The following RASAL3 variants were observed in gnomAD, a reference collection of about 807,000 sequenced individuals.
RASAL3 encodes the protein RAS protein activator like 3.
RASAL3 carries 74 observed loss-of-function variants against 105.5 expected under a neutral mutation model. The observed-to-expected ratio is 0.70, with a 90% confidence interval of 0.58 to 0.85. The LOEUF (loss-of-function observed/expected upper bound fraction) is 0.85, where lower values mean the gene tolerates loss of function less well. Among genes scored for constraint, RASAL3 ranks in the 40% least tolerant of loss-of-function variants. The pLI is 0.00. For missense variants in RASAL3, 1,352 were observed against 1,392.0 expected (o/e 0.97, Z 0.46); for synonymous variants, 579 against 591.6 (o/e 0.98, Z 0.31).
At position 15,452,068 on chromosome 19, in the gene RASAL3, C is replaced by T. The variant is rs1970168068; in HGVS notation, c.2869G>A (p.Glu957Lys). 2 of 1,613,932 alleles carry T rather than the reference C, an allele frequency of 1.2e-6. No homozygotes were observed. Among genetic ancestry groups the T allele is most frequent in the Non-Finnish European group, 1.7e-6 (2 of 1,179,854 alleles). ...ACCAGGTTTTTCAGACTGTGCCCTT[C>T]ATTGCTTGTTAGGTTGTGCTCTGAA... ...FDSEHNLTSN[E>K]GHSLKNLEHR... is the part of the protein sequence containing the mutation. The change falls in exon 17 of 18, where the codon GAA (glutamate) becomes AAA (lysine). Residue 957 changes from glutamate to lysine, a missense_variant. By Grantham distance (56) the Glu-to-Lys change is moderately conservative. This residue lies in a region of RASAL3 where 920 missense variants were observed against 919.6 expected (regional missense o/e 1.00). Transcript: ENST00000343625.
At position 15,456,986 on chromosome 19, in the gene RASAL3, G is replaced by A; in HGVS notation, c.1431+306C>T. ...CCCTCACAGCTGAAGCTCAGGCCCA[G>A]TCCTTCAAGGTGCCCCGCCCCTTAC... On this transcript the variant is annotated intron_variant, in intron 9 of 17. Coordinates refer to ENST00000343625, the MANE Select transcript of RASAL3 (RefSeq NM_022904.3). This position sits in a 1 kb window ranked among gnomAD's most constrained non-coding sequence, Gnocchi z 4.4. 4.4e-6 allele frequency: 2 copies of A among 454,190 alleles called. No homozygotes were observed. The highest frequency in any genetic ancestry group is 7.9e-6 in the Non-Finnish European group (2 of 252,086). The allele number at this position is 454,190 out of a possible 1,614,324, so 28.1% of individuals were successfully genotyped here.
chr19:15,461,355 CA>C, intron 3 of RASAL3, 59 bp from the exon 4 acceptor site: 1 of 1,565,090 alleles, frequency 6.4e-7, no homozygotes, highest in East Asian at 2.3e-5. Flanking sequence ...GGCAGGCAGG[CA>C]GACCGAGGGA....
chr19:15,453,405 A>C lies in RASAL3; in HGVS notation c.2372T>G (p.Val791Gly). ...CCGGGCCCAACTCTCTGAGCGGCGA[A>C]CGCTGCGCAGAGACTGGCTCTTGGA... The part of the protein sequence containing the change: ...LISKSQSLRS[V>G]RRSESWARPR... The change falls in exon 15 of 18, where the codon GTT becomes GGT. Residue 791 changes from valine to glycine, a missense_variant. Val to Gly is a moderately radical substitution (Grantham distance 109). Around this residue, in one of 3 missense-constraint regions of RASAL3, gnomAD observed 920 missense variants for 919.6 expected, o/e 1.00. Transcript: ENST00000343625. This position sits in a 1 kb window ranked among gnomAD's most constrained non-coding sequence, Gnocchi z 4.2. 6.6e-7 allele frequency: 1 copy of C among 1,503,988 alleles called. No homozygotes were observed. The highest frequency in any genetic ancestry group is 8.8e-7 in the Non-Finnish European group (1 of 1,137,034). 93.2% of individuals were successfully genotyped at this position (1,503,988 alleles called of 1,614,324 possible). A position where few individuals can be genotyped will look rare whatever the true frequency, so the allele number is the denominator to read the frequency against.
rs891645372 is a variant in RASAL3, at chr19:15,453,377, T to C, written c.2400A>G (p.Pro800=). ...SVRRSESWAR[P]RPDEERPLRR... ...GCAGGGGCCGCTCTTCGTCCGGCCG[T>C]GGCCGGGCCCAACTCTCTGAGCGGC... The change falls in exon 15 of 18, where the codon CCA becomes CCG. Residue 800 remains proline (P), a synonymous_variant. Transcript: ENST00000343625. The surrounding 1 kb of genome is among the most constrained non-coding windows in gnomAD (Gnocchi z 4.2). 5.5e-6 allele frequency: 8 copies of C among 1,460,800 alleles called. No individual in the cohort carries two copies. The highest frequency in any genetic ancestry group is 4.4e-4 in the Middle Eastern group (2 of 4,520). 90.5% of individuals were successfully genotyped at this position (1,460,800 alleles called of 1,614,324 possible). A position where few individuals can be genotyped will look rare whatever the true frequency, so the allele number is the denominator to read the frequency against.
chr19:15,461,398 A>G (rs945811833), intron 3 of RASAL3, 73 bp downstream of exon 3: 12 of 1,525,580 alleles, frequency 7.9e-6, no homozygotes, highest in Non-Finnish European at 1.1e-5. Flanking sequence ...TCCTCCCTCC[A>G]GCCCCTGCCT....
intron 14 of RASAL3, 105 bp downstream of exon 14, chr19:15,454,044 G>A: frequency 1.2e-6 from 1 of 803,980 alleles, no homozygotes; most frequent in Non-Finnish European, 2.0e-6. Context: ...TCTGACCCTG[G>A]GCTTGACCTC....
At position 15,453,087 on chromosome 19, in the gene RASAL3, G is replaced by T; in HGVS notation, c.2670+20C>A. On this transcript the variant is annotated intron_variant, in intron 15 of 17. Coordinates refer to ENST00000343625, the MANE Select transcript of RASAL3 (RefSeq NM_022904.3). The surrounding 1 kb of genome is among the most constrained non-coding windows in gnomAD (Gnocchi z 4.2). Reference sequence around the variant, plus strand: ...GTCCCTGTTCCCACTCCCCAGGCGCGGACCTGGGCCTGACCTTACCTTGTT... The same window carrying T: ...GTCCCTGTTCCCACTCCCCAGGCGCTGACCTGGGCCTGACCTTACCTTGTT... The T allele has an allele frequency of 6.2e-7, 1 of 1,612,774 alleles. No homozygotes were observed. The highest frequency in any genetic ancestry group is 1.1e-5 in the South Asian group (1 of 90,944).
intron 15 of RASAL3, 136 bp from the exon 16 acceptor site, chr19:15,452,951 G>T: frequency 6.8e-7 from 1 of 1,464,608 alleles, no homozygotes; most frequent in Non-Finnish European, 9.2e-7. Context: ...CTGCGGTACA[G>T]CTGGGGAGAC....
rs1387810096 is a variant in RASAL3, at chr19:15,453,206, G to A, written c.2571C>T (p.Ser857=). The change falls in exon 15 of 18, where the codon TCC becomes TCT. Residue 857 remains serine (S), a synonymous_variant. Transcript: ENST00000343625. The surrounding 1 kb of genome is among the most constrained non-coding windows in gnomAD (Gnocchi z 4.2). ...APRARPWTRD[S]ASLPRKPSVP... is the part of the protein sequence containing the mutation. Reference sequence around the variant, plus strand: ...CCGACGGCTTCCGAGGCAGCGAGGCGGAGTCCCGGGTCCAAGGCCGGGCGC... The same window carrying A: ...CCGACGGCTTCCGAGGCAGCGAGGCAGAGTCCCGGGTCCAAGGCCGGGCGC... 6.2e-7 allele frequency: 1 copy of A among 1,609,934 alleles called. No homozygotes were observed. Among genetic ancestry groups the A allele is most frequent in the Non-Finnish European group, 8.5e-7 (1 of 1,178,502 alleles).
At position 15,454,816 on chromosome 19, in the gene RASAL3, C is replaced by A; in HGVS notation, c.1799G>T (p.Gly600Val). ...GAGGGAGGCGCACACCAGTCGGGGG[C>A]CCAGCACCTCAGAGCCACGTTCTTT... ...ACKERGSEVLGPRLVCASLFL... is the reference protein window; with the variant it reads ...ACKERGSEVLVPRLVCASLFL... Residue 600 changes from glycine to valine, a missense_variant, in exon 12 of 18, where the codon GGC (glycine) becomes GTC (valine). Around this residue, in one of 3 missense-constraint regions of RASAL3, gnomAD observed 920 missense variants for 919.6 expected, o/e 1.00. Transcript: ENST00000343625. 6.3e-7 allele frequency: 1 copy of A among 1,590,644 alleles called. No individual in the cohort carries two copies. Among genetic ancestry groups the A allele is most frequent in the Admixed American group, 1.8e-5 (1 of 55,850 alleles).
Position 15,454,886 on chromosome 19 carries a change from G to T in RASAL3, c.1729C>A (p.Pro577Thr). The change falls in exon 12 of 18, where the codon CCT (proline) becomes ACT (threonine). Residue 577 changes from proline (P) to threonine (T), a missense_variant. Physicochemically the swap from Pro to Thr is conservative, Grantham distance 38. Coordinates refer to ENST00000343625, the MANE Select transcript of RASAL3 (RefSeq NM_022904.3). ...ETIIHSYDWF[P>T]AELGIVFSSW... ...GAGAACACGATGCCCAGCTCCGCAG[G>T]GAACCAGCTGGTGCAGAAGAGGCAA... The T allele has an allele frequency of 1.3e-6, 2 of 1,553,656 alleles. No individual in the cohort carries two copies. The highest frequency in any genetic ancestry group is 2.4e-5 in the East Asian group (1 of 41,538).
At position 15,451,864 on chromosome 19, in the gene RASAL3, T is replaced by C. The variant is rs1302954775; in HGVS notation, c.2967A>G (p.Pro989=). Residue 989 remains proline, a synonymous_variant, in exon 18 of 18, where the codon CCA becomes CCG. Transcript: ENST00000343625. ...RDAVQSLQLS[P]RTRGSWSQPQ... ...GTTGACTCCAAGACCCCCGCGTCCT[T>C]GGAGAAAGCTGCAGGCTCTGGACAG... 6.2e-7 allele frequency: 1 copy of C among 1,609,014 alleles called. No individual in the cohort carries two copies. Among genetic ancestry groups the C allele is most frequent in the Non-Finnish European group, 8.5e-7 (1 of 1,176,068 alleles).
Position 15,456,548 on chromosome 19 carries a change from A to C in RASAL3, c.1530T>G (p.Asp510Glu), listed in dbSNP as rs767650947. 6.2e-7 allele frequency: 1 copy of C among 1,613,844 alleles called. No individual in the cohort carries two copies. Among genetic ancestry groups the C allele is most frequent in the South Asian group, 1.1e-5 (1 of 91,044 alleles). The change falls in exon 10 of 18, where the codon GAT (aspartate) becomes GAG (glutamate). Residue 510 changes from aspartate (D) to glutamate (E), a missense_variant. Asp to Glu is a conservative substitution (Grantham distance 45). Coordinates refer to ENST00000343625, the MANE Select transcript of RASAL3 (RefSeq NM_022904.3). The surrounding 1 kb of genome is among the most constrained non-coding windows in gnomAD (Gnocchi z 4.4). Reference protein sequence around the residue: ...RENTLATKAIDEYMKLVAQDY... With the variant: ...RENTLATKAIEEYMKLVAQDY... Reference sequence around the variant, plus strand: ...CCTGTGCCACGAGCTTCATGTACTCATCGATAGCCTTGGTGGCCAATGTGT... The same window carrying C: ...CCTGTGCCACGAGCTTCATGTACTCCTCGATAGCCTTGGTGGCCAATGTGT...
At position 15,456,374 on chromosome 19, in the gene RASAL3, C is replaced by T; in HGVS notation, c.1577-126G>A. ...ACATCTTGGGGAGCTCCCAATTGTC[C>T]CCAGGATCCTAGCACCCCCAAAACA... On this transcript the variant is annotated intron_variant, in intron 10 of 17. Transcript: ENST00000343625. The surrounding 1 kb of genome is among the most constrained non-coding windows in gnomAD (Gnocchi z 4.4). 2 of 1,523,366 alleles carry T rather than the reference C, an allele frequency of 1.3e-6. No individual in the cohort carries two copies. The highest frequency in any genetic ancestry group is 1.8e-6 in the Non-Finnish European group (2 of 1,126,916). 94.4% of individuals were successfully genotyped at this position (1,523,366 alleles called of 1,614,324 possible). A position where few individuals can be genotyped will look rare whatever the true frequency, so the allele number is the denominator to read the frequency against.
At position 15,457,494 on chromosome 19, in the gene RASAL3, G is replaced by C. The variant is rs1970362672; in HGVS notation, c.1229C>G (p.Pro410Arg). The change falls in exon 9 of 18, where the codon CCG becomes CGG. Residue 410 changes from proline to arginine, a missense_variant. Pro to Arg is a moderately radical substitution (Grantham distance 103). Transcript: ENST00000343625. The surrounding 1 kb of genome is among the most constrained non-coding windows in gnomAD (Gnocchi z 8.6). ...CCGCGCCCGCAGCGCTGCGCCCGCC[G>C]GCGCCCCGAGCAGCGGGAACCAGCG... ...LERWFPLLGA[P>R]AGAALRARIR... 8.3e-7 allele frequency: 1 copy of C among 1,199,882 alleles called. No homozygotes were observed. The highest frequency in any genetic ancestry group is 1.0e-6 in the Non-Finnish European group (1 of 962,632). The allele number at this position is 1,199,882 out of a possible 1,614,324, so 74.3% of individuals were successfully genotyped here.
Position 15,452,184 on chromosome 19 carries a change from G to T in RASAL3, c.2829-76C>A, listed in dbSNP as rs577123099. ...TCCAGCTCCTGGTGGGAGTGCCAGG[G>T]ACTCCGGGGGCGGAGCTTGGAGTGG... On this transcript the variant is annotated intron_variant, in intron 16 of 17. Transcript: ENST00000343625. The T allele has an allele frequency of 1.0e-5, 15 of 1,455,904 alleles. No homozygotes were observed. The African/African-American group carries it at 1.4e-4, about 13-fold the overall frequency. 90.2% of individuals were successfully genotyped at this position (1,455,904 alleles called of 1,614,324 possible).
rs1970176881 is a variant in RASAL3 at position 15,452,356 on chromosome 19, G to A, written c.2829-248C>T. On this transcript the variant is annotated intron_variant, in intron 16 of 17. Transcript: ENST00000343625. ...CAGTCCTGGGTGGGGTCGTGACTGA[G>A]CTGGAGGGAGTGCCCAGGCTGAGAT... The A allele has an allele frequency of 2.2e-5, 13 of 596,922 alleles. 1 individual carries two copies. The highest frequency in any genetic ancestry group is 3.9e-5 in the Non-Finnish European group (13 of 334,852). 37.0% of individuals were successfully genotyped at this position (596,922 alleles called of 1,614,324 possible).
chr19:15,451,897 C>A lies in RASAL3; in HGVS notation c.2934G>T (p.Leu978=), dbSNP rs750470064. ...LNEMERTQAQ[L]RDAVQSLQLS... ...GCTGCAGGCTCTGGACAGCATCCCT[C>A]AGCTGAGCCTGAGTTCTCTCCATCT... Residue 978 remains leucine (L), a synonymous_variant, in exon 18 of 18, where the codon CTG becomes CTT. Coordinates refer to ENST00000343625, the MANE Select transcript of RASAL3 (RefSeq NM_022904.3). 2.6e-5 allele frequency: 42 copies of A among 1,608,548 alleles called. No homozygotes were observed. The South Asian group carries it at 4.0e-4, about 15-fold the overall frequency.
Position 15,456,499 on chromosome 19 carries a change from C to A in RASAL3, c.1576+3G>T, listed in dbSNP as rs1452555226. On this transcript the variant is annotated splice_donor_region_variant and intron_variant, in intron 10 of 17. Transcript: ENST00000343625. This position sits in a 1 kb window ranked among gnomAD's most constrained non-coding sequence, Gnocchi z 4.4. ...CGCTGACATGGACTCTCCCCCAGCT[C>A]ACCCAGGGTCTCCTGGAGGTAATCC... 2 of 1,613,442 alleles carry A rather than the reference C, an allele frequency of 1.2e-6. No homozygotes were observed. The highest frequency in any genetic ancestry group is 1.7e-6 in the Non-Finnish European group (2 of 1,179,734).
Sources: allele counts gnomAD v4.1 joint callset, GRCh38; gene constraint gnomAD v4.1.1; regional missense constraint gnomAD v4.1.1; non-coding constraint Gnocchi (gnomAD v3.1); transcripts MANE v1.5; gene names NCBI Gene and HGNC (gene_info 2026-07-23, HGNC 2026-07-21).